The following RNF111 variants were observed in gnomAD, a reference collection of about 807,000 sequenced individuals.
RNF111 encodes the protein ring finger protein 111.
RNF111 carries 17 observed loss-of-function variants against 95.1 expected under a neutral mutation model. The observed-to-expected ratio is 0.18, with a 90% CI of 0.12 to 0.27. The LOEUF (loss-of-function observed/expected upper bound fraction) is 0.27, where lower values mean the gene tolerates loss of function less well. Ranked by LOEUF, RNF111 falls within the 10% of genes least tolerant of loss-of-function variation. The pLI is 1.00. For synonymous variants in RNF111, 440 were observed against 414.8 expected (o/e 1.06, Z -0.74); for missense variants, 1,189 against 1,210.4 (o/e 0.98, Z 0.26).
At position 59,058,542 on chromosome 15, in the gene RNF111, C is replaced by G. The variant is rs200024876; in HGVS notation, c.1358C>G (p.Ser453Cys). 1.3e-5 allele frequency: 21 copies of G among 1,613,758 alleles called. No homozygotes were observed. Among genetic ancestry groups the G allele is most frequent in the Non-Finnish European group, 1.8e-5 (21 of 1,179,764 alleles). Reference sequence around the variant, plus strand: ...ACAAGCAATAGTACCACTGGCACTTCTATAGGAGGTATGTAAAAAAGTGGG... The same window carrying G: ...ACAAGCAATAGTACCACTGGCACTTGTATAGGAGGTATGTAAAAAAGTGGG... The part of the protein sequence containing the change: ...TLTSNSTTGT[S>C]IGDDSRRTTS... The change falls in exon 5 of 14, where the codon TCT (serine) becomes TGT (cysteine). Residue 453 changes from serine to cysteine, a missense_variant. Physicochemically the swap from Ser to Cys is moderately radical, Grantham distance 112. Transcript: ENST00000348370.
intron 2 of RNF111, among the ~76,000 whole-genome samples, chr15:59,038,195 C>T (rs2041275576): frequency 1.3e-5 from 2 of 152,136 alleles, no homozygotes; most frequent in South Asian, 4.1e-4. Context: ...ATAGGATCCT[C>T]ATCTGCTTTG....
At chr15:59,071,112 A>G (rs1460995343) in intron 6 of RNF111, among the ~76,000 whole-genome samples, 1 of 151,892 alleles carries the variant, frequency 6.6e-6, no homozygotes, top group Non-Finnish European at 1.5e-5. Context: ...CCTGGCTAAC[A>G]TGGTGAAACC....
At chr15:59,015,050 C>T (rs577706368) in intron 1 of RNF111, among the ~76,000 whole-genome samples, 60 of 152,268 alleles carry the variant, frequency 3.9e-4, no homozygotes, top group Admixed American at 6.5e-4. Flanking sequence ...CACTGTGCCT[C>T]GCCACCCAAT....
intron 5 of RNF111, among the ~76,000 whole-genome samples, chr15:59,063,515 C>T (rs1168744678): frequency 6.6e-6 from 1 of 152,032 alleles, no homozygotes; most frequent in Non-Finnish European, 1.5e-5. Context: ...TTTTAGTGGG[C>T]CCTCTATGGG....
intron 1 of RNF111, among the ~76,000 whole-genome samples, chr15:59,013,876 C>T (rs1340563153): frequency 6.6e-6 from 1 of 151,990 alleles, no homozygotes; most frequent in African/African-American, 2.4e-5. Flanking sequence ...GCAACCTCTG[C>T]CTCCCAGGTT....
chr15:59,058,127 A>G (rs1450321920), intron 4 of RNF111, among the ~76,000 whole-genome samples: 2 of 152,246 alleles, frequency 1.3e-5, no homozygotes, highest in African/African-American at 2.4e-5. Context: ...AATTATTGGA[A>G]TAAGCATATC....
intron 6 of RNF111, among the ~76,000 whole-genome samples, chr15:59,070,029 C>CCCCCCCTTT (rs2042842652): frequency 8.8e-5 from 2 of 22,678 alleles, no homozygotes; most frequent in Non-Finnish European, 1.5e-4. Context: ...CCACCTCCTG[C>CCCCCCCTTT]TTTTTTTTTT....
At chr15:59,030,212 C>G (rs1372825923) in intron 1 of RNF111, among the ~76,000 whole-genome samples, 1 of 151,976 alleles carries the variant, frequency 6.6e-6, no homozygotes, top group Non-Finnish European at 1.5e-5. Flanking sequence ...AACTGAAATG[C>G]AGTAGTTGTG....
intron 6 of RNF111, among the ~76,000 whole-genome samples, chr15:59,071,702 A>C (rs35013771): frequency 6.6e-6 from 1 of 151,674 alleles, no homozygotes; most frequent in Non-Finnish European, 1.5e-5. Flanking sequence ...AAAAAAAAAA[A>C]AAATAAAGTT....
chr15:59,006,181 T>G (rs1379076767), intron 1 of RNF111, among the ~76,000 whole-genome samples: 9 of 152,244 alleles, frequency 5.9e-5, no homozygotes, highest in African/African-American at 2.2e-4. Flanking sequence ...ATAGTGAACT[T>G]ATTTTAAAAA....
chr15:59,049,943 T>C (rs1468453377), intron 2 of RNF111, among the ~76,000 whole-genome samples: 1 of 151,820 alleles, frequency 6.6e-6, no homozygotes, highest in Non-Finnish European at 1.5e-5. Flanking sequence ...AGTTTTACCA[T>C]GTTGGTCAGG....
intron 7 of RNF111, 45 bp downstream of exon 7, chr15:59,076,260 G>A (rs767915296): frequency 6.1e-5 from 96 of 1,582,220 alleles, no homozygotes; most frequent in Non-Finnish European, 8.1e-5. Context: ...TCATGTCAAT[G>A]AAGCATTTTG....
intron 1 of RNF111, among the ~76,000 whole-genome samples, chr15:59,024,324 A>T (rs942503619): frequency 6.6e-6 from 1 of 152,228 alleles, no homozygotes; most frequent in Non-Finnish European, 1.5e-5. Flanking sequence ...CAATTAAAAA[A>T]AATACTAATT....
chr15:59,064,612 A>G (rs1447922960), intron 5 of RNF111, among the ~76,000 whole-genome samples: 1 of 150,730 alleles, frequency 6.6e-6, no homozygotes, highest in Non-Finnish European at 1.5e-5. Context: ...ACATAATTCT[A>G]GGGGCAGTTA....
intron 2 of RNF111, among the ~76,000 whole-genome samples, chr15:59,038,872 C>T (rs187521418): frequency 6.6e-6 from 1 of 152,254 alleles, no homozygotes. Flanking sequence ...CATTCTGATC[C>T]TTCCATTATA....
chr15:59,086,915 G>A (rs2078916215), intron 10 of RNF111, among the ~76,000 whole-genome samples: 1 of 152,204 alleles, frequency 6.6e-6, no homozygotes, highest in Non-Finnish European at 1.5e-5. Context: ...TGGAAAAATA[G>A]ATGTAAATGT....
intron 1 of RNF111, among the ~76,000 whole-genome samples, chr15:59,028,321 G>A (rs750245063): frequency 7.9e-5 from 12 of 151,786 alleles, no homozygotes; most frequent in Admixed American, 1.3e-4. Context: ...GGTAGTCTGC[G>A]CCCCTGTCCA....
chr15:59,074,850 G>A (rs1176617861), intron 6 of RNF111, among the ~76,000 whole-genome samples: 12 of 152,122 alleles, frequency 7.9e-5, no homozygotes, highest in African/African-American at 2.7e-4. Flanking sequence ...TCATTTCTCG[G>A]TTTTGGTTTA....
chr15:59,008,393 T>G (rs2039637656), intron 1 of RNF111, among the ~76,000 whole-genome samples: 1 of 152,056 alleles, frequency 6.6e-6, no homozygotes, highest in Non-Finnish European at 1.5e-5. Flanking sequence ...AGTTTTAAAA[T>G]TTTTTTGTAG....
Sources: gnomAD v4.1 joint callset for allele counts (sites outside exome capture counted in the v4.1 genomes callset) on GRCh38, gnomAD v4.1.1 for gene constraint, MANE v1.5 for transcripts, NCBI Gene and HGNC (gene_info 2026-07-23, HGNC 2026-07-21) for gene names.